Variants in HYDIN observed in about 807,000 individuals in gnomAD.
The protein encoded by HYDIN is axonemal central pair apparatus protein HYDIN.
Under a neutral mutation model 403.9 loss-of-function variants are expected in HYDIN, and 132 were observed. That is an observed-to-expected ratio of 0.33 (90% confidence interval 0.28 to 0.38). The LOEUF (loss-of-function observed/expected upper bound fraction) is 0.38, where lower values mean the gene tolerates loss of function less well. HYDIN is among the 10% of genes least tolerant of loss of function. HYDIN has a pLI of 1.00. For missense variants in HYDIN, 2,827 were observed against 5,009.5 expected (o/e 0.56, Z 13.15); for synonymous variants, 1,202 against 1,891.7 (o/e 0.64, Z 9.46).
intron 69 of HYDIN, among the ~76,000 whole-genome samples, chr16:70,861,741 C>T (rs1431294745): frequency 1.3e-5 from 1 of 77,094 alleles, no homozygotes; most frequent in Non-Finnish European, 2.7e-5. Flanking sequence ...CATGCTTGCA[C>T]AAGGACTGAA....
rs1048817890 is a variant in HYDIN, at chr16:70,920,823, T to A, written c.7553A>T (p.Lys2518Met). 6.4e-7 allele frequency: 1 copy of A among 1,571,490 alleles called. No individual in the cohort carries two copies. The highest frequency in any genetic ancestry group is 1.1e-5 in the South Asian group (1 of 87,090). Residue 2518 changes from lysine (K) to methionine (M), a missense_variant, in exon 46 of 86, where the codon AAG (lysine) becomes ATG (methionine). Transcript: ENST00000393567. ...RKDRERERLE[K>M]ERTEKERLER... ...CAGGCGCTCCTTCTCCGTGCGCTCCTTCTCCAGGCGCTCTCTCTCCCGGTC... is the reference window on the plus strand; with the variant it reads ...CAGGCGCTCCTTCTCCGTGCGCTCCATCTCCAGGCGCTCTCTCTCCCGGTC...
chr16:71,142,223 A>T (rs4788771), intron 7 of HYDIN, among the ~76,000 whole-genome samples: 21,332 of 150,534 alleles, frequency 0.14, 1,969 homozygotes, highest in Middle Eastern at 0.23. Context: ...TATCCAAAAA[A>T]AATAAAACCT....
At chr16:70,960,332 A>C (rs561363667) in intron 38 of HYDIN, among the ~76,000 whole-genome samples, 2 of 150,342 alleles carry the variant, frequency 1.3e-5, no homozygotes, top group Admixed American at 1.3e-4. Context: ...CTTTGATTAC[A>C]TATTGTCTTT....
At chr16:70,884,550 T>G (rs930306282) in intron 58 of HYDIN, among the ~76,000 whole-genome samples, 4 of 151,964 alleles carry the variant, frequency 2.6e-5, no homozygotes, top group Admixed American at 6.6e-5. Flanking sequence ...CTTAAACAAA[T>G]GACTTCTCTG....
intron 21 of HYDIN, among the ~76,000 whole-genome samples, chr16:71,020,992 G>C (rs2080467422): frequency 6.6e-6 from 1 of 151,246 alleles, no homozygotes; most frequent in Non-Finnish European, 1.5e-5. Context: ...ATAAGACAAA[G>C]TCTAAAAAGT....
At chr16:70,896,320 A>G (rs972630616) in intron 53 of HYDIN, among the ~76,000 whole-genome samples, 1 of 151,670 alleles carries the variant, frequency 6.6e-6, no homozygotes, top group African/African-American at 2.4e-5. Context: ...TTGCTACATT[A>G]CTGAAGTTTG....
At chr16:70,886,066 T>C (rs887314654) in intron 58 of HYDIN, among the ~76,000 whole-genome samples, 6 of 148,146 alleles carry the variant, frequency 4.1e-5, no homozygotes, top group African/African-American at 1.0e-4. Flanking sequence ...CATTTAAATA[T>C]GCCATATTTG....
intron 5 of HYDIN, among the ~76,000 whole-genome samples, chr16:71,165,076 C>T (rs1309809516): frequency 6.6e-6 from 1 of 151,804 alleles, no homozygotes; most frequent in East Asian, 2.0e-4. Context: ...CTATTTCAAC[C>T]GTTGCTCTCC....
At chr16:71,040,222 C>T (rs2081240537) in intron 18 of HYDIN, among the ~76,000 whole-genome samples, 1 of 151,940 alleles carries the variant, frequency 6.6e-6, no homozygotes, top group South Asian at 2.1e-4. Context: ...CAGTTCCCAC[C>T]TCATTCGCTT....
chr16:71,207,403 G>C (rs1198195474), intron 1 of HYDIN, among the ~76,000 whole-genome samples: 1 of 152,114 alleles, frequency 6.6e-6, no homozygotes, highest in Non-Finnish European at 1.5e-5. Flanking sequence ...TATCACAACT[G>C]CCTTACAAGA....
intron 41 of HYDIN, among the ~76,000 whole-genome samples, chr16:70,945,244 C>T (rs1421412055): frequency 6.6e-6 from 1 of 152,082 alleles, no homozygotes; most frequent in Non-Finnish European, 1.5e-5. Flanking sequence ...GCCAGTAGGA[C>T]TTCGGATGGA....
At position 70,832,797 on chromosome 16, in the gene HYDIN, C is replaced by T. The variant is rs903924757; in HGVS notation, c.13899+51G>A. On this transcript the variant is annotated intron_variant, in intron 80 of 85. Coordinates refer to ENST00000393567, the MANE Select transcript of HYDIN (RefSeq NM_001270974.2). ...TTTGAAGGAGGCCTGGCTGAGTTCA[C>T]TTGCTGGGGTCACTCCTGCCACTGG... is the stretch of plus-strand genomic sequence containing the variant. The T allele has an allele frequency of 4.0e-6, 6 of 1,507,508 alleles. No homozygotes were observed. The African/African-American group carries it at 7.0e-5, about 18-fold the overall frequency. The allele number at this position is 1,507,508 out of a possible 1,614,324, so 93.4% of individuals were successfully genotyped here.
intron 39 of HYDIN, among the ~76,000 whole-genome samples, chr16:70,956,064 C>G (rs1475663953): frequency 6.6e-6 from 1 of 152,218 alleles, no homozygotes; most frequent in Non-Finnish European, 1.5e-5. Context: ...AAATGATCCA[C>G]CTGCCTTGGC....
At chr16:71,070,312 CCTTT>C (rs755030573) in intron 13 of HYDIN, among the ~76,000 whole-genome samples, 101 of 149,014 alleles carry the variant, frequency 6.8e-4, no homozygotes, top group Non-Finnish European at 8.0e-4. Flanking sequence ...TTCCTTCCTT[CCTTT>C]CTTTCTTTTT....
At chr16:70,859,368 T>C (rs977757709) in intron 71 of HYDIN, among the ~76,000 whole-genome samples, 1 of 152,196 alleles carries the variant, frequency 6.6e-6, no homozygotes, top group Non-Finnish European at 1.5e-5. Flanking sequence ...GTTGGCCCCC[T>C]TGGCCCCCGT....
At chr16:70,931,219 T>TTG (rs1376984046) in intron 45 of HYDIN, among the ~76,000 whole-genome samples, 4 of 113,212 alleles carry the variant, frequency 3.5e-5, no homozygotes, top group Non-Finnish European at 7.4e-5. Context: ...TGTTTTTTTT[T>TTG]TTTTTTTTTT....
At chr16:71,100,062 C>T (rs1289736906) in intron 10 of HYDIN, among the ~76,000 whole-genome samples, 1 of 151,882 alleles carries the variant, frequency 6.6e-6, no homozygotes, top group Non-Finnish European at 1.5e-5. Flanking sequence ...CAAACATTTA[C>T]GAAGGTCAAC....
intron 41 of HYDIN, among the ~76,000 whole-genome samples, chr16:70,945,978 T>C (rs2077846259): frequency 6.6e-6 from 1 of 151,230 alleles, no homozygotes; most frequent in African/African-American, 2.4e-5. Context: ...GAGGAGGTAA[T>C]AGGCGGAGGG....
intron 41 of HYDIN, among the ~76,000 whole-genome samples, chr16:70,949,303 T>C (rs2143910880): frequency 9.1e-6 from 1 of 110,144 alleles, no homozygotes; most frequent in Non-Finnish European, 1.8e-5. Flanking sequence ...CTCTGGGGAC[T>C]GTTGTGGGGT....
Sources: gnomAD v4.1 joint callset for allele counts (sites outside exome capture counted in the v4.1 genomes callset) on GRCh38, gnomAD v4.1.1 for gene constraint, MANE v1.5 for transcripts, NCBI Gene and HGNC (gene_info 2026-07-23, HGNC 2026-07-21) for gene names.